WDR70: variants seen among roughly 807,000 people sequenced by gnomAD.
The protein encoded by WDR70 is WD repeat-containing protein 70.
WDR70 carries 53 observed loss-of-function variants against 88.6 expected under a neutral mutation model. That is an observed-to-expected ratio of 0.60 (90% CI 0.48 to 0.75). The LOEUF (loss-of-function observed/expected upper bound fraction) is 0.75. Among genes scored for constraint, WDR70 ranks in the 30% least tolerant of loss-of-function variants. WDR70 has a pLI of 0.00. For synonymous variants in WDR70, 280 were observed against 270.0 expected (o/e 1.04, Z -0.36); for missense variants, 610 against 823.2 (o/e 0.74, Z 3.17).
At chr5:37,686,816 G>T (rs1020242182) in intron 10 of WDR70, among the ~76,000 whole-genome samples, 2 of 151,344 alleles carry the variant, frequency 1.3e-5, no homozygotes, top group Non-Finnish European at 2.9e-5. Flanking sequence ...TTTTGTGCTT[G>T]CGTTTTCCAT....
At chr5:37,741,566 C>T (rs901674872) in intron 17 of WDR70, among the ~76,000 whole-genome samples, 2 of 152,102 alleles carry the variant, frequency 1.3e-5, no homozygotes, top group Admixed American at 6.5e-5. Flanking sequence ...AACCTAGATC[C>T]GTCACATGTG....
chr5:37,447,729 T>C (rs1738546843), intron 7 of WDR70, among the ~76,000 whole-genome samples: 3 of 152,038 alleles, frequency 2.0e-5, no homozygotes, highest in Non-Finnish European at 4.4e-5. Flanking sequence ...TAGGTGGGAA[T>C]TGAACAATGA....
intron 9 of WDR70, among the ~76,000 whole-genome samples, chr5:37,585,564 G>C (rs1214110291): frequency 6.6e-6 from 1 of 152,132 alleles, no homozygotes; most frequent in Non-Finnish European, 1.5e-5. Flanking sequence ...TGTACTATTA[G>C]ATGCACTAGA....
chr5:37,587,278 T>C (rs1743388512), intron 9 of WDR70, among the ~76,000 whole-genome samples: 2 of 152,040 alleles, frequency 1.3e-5, no homozygotes, highest in Admixed American at 1.3e-4. Context: ...CTTGCCAATA[T>C]TTTTACAATC....
intron 9 of WDR70, among the ~76,000 whole-genome samples, chr5:37,551,188 C>T (rs990008358): frequency 1.3e-5 from 2 of 151,454 alleles, no homozygotes; most frequent in Admixed American, 6.6e-5. Flanking sequence ...GCCTGTAGTC[C>T]CAGCTGCTCA....
chr5:37,653,003 T>G (rs1745450593), intron 10 of WDR70, among the ~76,000 whole-genome samples: 2 of 152,192 alleles, frequency 1.3e-5, no homozygotes, highest in South Asian at 4.1e-4. Flanking sequence ...GGAGGGGGCA[T>G]CCTTGTCTTG....
intron 10 of WDR70, among the ~76,000 whole-genome samples, chr5:37,654,751 C>A (rs1644059435): frequency 6.6e-6 from 1 of 150,764 alleles, no homozygotes; most frequent in Non-Finnish European, 1.5e-5. Context: ...TCTGTTTTAT[C>A]AGAGACTAGG....
rs1215676076 is a variant in WDR70 at position 37,701,100 on chromosome 5, A to T, written c.1235A>T (p.Lys412Ile). Residue 412 changes from lysine (K) to isoleucine (I), a missense_variant, in exon 12 of 18, where the codon AAA becomes ATA. Coordinates refer to ENST00000265107, the MANE Select transcript of WDR70 (RefSeq NM_018034.4). ...TTATGGGACATCCGACAATTTAATA[A>T]ACCACTTTTTTCAGCCTCGGGTCTT... ...LKLWDIRQFN[K>I]PLFSASGLPT... The T allele has an allele frequency of 1.2e-6, 2 of 1,612,854 alleles. No homozygotes were observed. The highest frequency in any genetic ancestry group is 8.5e-7 in the Non-Finnish European group (1 of 1,179,068).
chr5:37,610,995 A>G (rs1423755655), intron 10 of WDR70, among the ~76,000 whole-genome samples: 1 of 152,200 alleles, frequency 6.6e-6, no homozygotes, highest in Admixed American at 6.5e-5. Flanking sequence ...GATATAATGA[A>G]GGAAAAGTAA....
chr5:37,429,469 G>A (rs374730086), intron 5 of WDR70, among the ~76,000 whole-genome samples: 1 of 151,754 alleles, frequency 6.6e-6, no homozygotes, highest in South Asian at 2.1e-4. Context: ...TGTTTTATAG[G>A]TTTAGTTTTT....
intron 5 of WDR70, among the ~76,000 whole-genome samples, chr5:37,425,423 C>T (rs1301792961): frequency 6.6e-6 from 1 of 152,110 alleles, no homozygotes; most frequent in Non-Finnish European, 1.5e-5. Flanking sequence ...TTTGAGAAGA[C>T]TTGAAAGAGA....
intron 4 of WDR70, among the ~76,000 whole-genome samples, chr5:37,394,435 A>C (rs1377666314): frequency 2.0e-5 from 3 of 152,202 alleles, no homozygotes; most frequent in Non-Finnish European, 4.4e-5. Flanking sequence ...ACTGTGGATT[A>C]CACAGTGTTT....
At chr5:37,691,679 C>T (rs191108338) in intron 10 of WDR70, among the ~76,000 whole-genome samples, 13 of 152,236 alleles carry the variant, frequency 8.5e-5, no homozygotes, top group East Asian at 3.9e-4. Flanking sequence ...AAAGACACAA[C>T]GTACCAGAAT....
At chr5:37,682,779 A>G (rs895773514) in intron 10 of WDR70, among the ~76,000 whole-genome samples, 54 of 152,250 alleles carry the variant, frequency 3.5e-4, no homozygotes, top group African/African-American at 1.3e-3. Flanking sequence ...TCAGTGGTCC[A>G]AGAGAGTGGT....
intron 12 of WDR70, among the ~76,000 whole-genome samples, 176 bp downstream of exon 12, chr5:37,701,318 G>T (rs1300769332): frequency 3.3e-5 from 5 of 151,996 alleles, no homozygotes; most frequent in African/African-American, 1.2e-4. Flanking sequence ...ACATTCCTCA[G>T]ACTTCAAGAA....
chr5:37,746,461 C>CA (rs899335949), intron 17 of WDR70, among the ~76,000 whole-genome samples: 2 of 151,848 alleles, frequency 1.3e-5, no homozygotes, highest in African/African-American at 4.8e-5. Context: ...AAAAACCCTC[C>CA]AAAAAAATCA....
At chr5:37,480,129 T>TG in intron 8 of WDR70, 142 bp downstream of exon 8, 1 of 1,097,320 alleles carries the variant, frequency 9.1e-7, no homozygotes, top group South Asian at 1.6e-5. Flanking sequence ...TCATGTGGAT[T>TG]GATTGGGTGG....
chr5:37,476,707 C>A (rs1357280610), intron 7 of WDR70, among the ~76,000 whole-genome samples: 1 of 152,162 alleles, frequency 6.6e-6, no homozygotes, highest in African/African-American at 2.4e-5. Flanking sequence ...CATGTCACCA[C>A]ACCTGGCTAA....
chr5:37,499,611 C>T (rs1452297866), intron 8 of WDR70, among the ~76,000 whole-genome samples: 2 of 146,564 alleles, frequency 1.4e-5, no homozygotes, highest in South Asian at 2.1e-4. Context: ...CTCTCTCTCT[C>T]TCTCTCTCTC....
Sources: gnomAD v4.1 joint callset for allele counts (sites outside exome capture counted in the v4.1 genomes callset) on GRCh38, gnomAD v4.1.1 for gene constraint, MANE v1.5 for transcripts, NCBI Gene and HGNC (gene_info 2026-07-23, HGNC 2026-07-21) for gene names.